FBN3: variants seen among roughly 807,000 people sequenced by gnomAD.
FBN3 encodes fibrillin-3.
FBN3 carries 234 observed loss-of-function variants against 330.1 expected under a neutral mutation model. That is an observed-to-expected ratio of 0.71 (90% CI 0.64 to 0.79). The LOEUF (loss-of-function observed/expected upper bound fraction) is 0.79. FBN3 is among the 30% of genes least tolerant of loss of function. The probability of loss-of-function intolerance (pLI) is 0.00; values close to 1 mark genes in which losing one functional copy is unlikely to be tolerated. For missense variants in FBN3, 3,606 were observed against 3,886.9 expected (o/e 0.93, Z 1.92); for synonymous variants, 1,458 against 1,517.3 (o/e 0.96, Z 0.91).
At chr19:8,125,723 G>A (rs547024799) in intron 22 of FBN3, among the ~76,000 whole-genome samples, 169 bp downstream of exon 22, 1 of 151,540 alleles carries the variant, frequency 6.6e-6, no homozygotes, top group Admixed American at 6.6e-5. Context: ...CCCGGGAGGC[G>A]GAAGTTACAG....
chr19:8,136,536 G>C lies in FBN3; in HGVS notation c.1202-5C>G, dbSNP rs763770874. Reference sequence around the variant, plus strand: ...TCTGGTTCAGGGTAGCAGTGCCTACGGGTGGGGCCGGCAGAGGCATCTGAG... The same window carrying C: ...TCTGGTTCAGGGTAGCAGTGCCTACCGGTGGGGCCGGCAGAGGCATCTGAG... On this transcript the variant is annotated splice_polypyrimidine_tract_variant and splice_region_variant and intron_variant, in intron 10 of 63. Coordinates refer to ENST00000600128, the MANE Select transcript of FBN3 (RefSeq NM_032447.5). 1 of 1,613,872 alleles carries C rather than the reference G, an allele frequency of 6.2e-7. No individual in the cohort carries two copies. Among genetic ancestry groups the C allele is most frequent in the Non-Finnish European group, 8.5e-7 (1 of 1,179,846 alleles).
intron 57 of FBN3, among the ~76,000 whole-genome samples, chr19:8,081,986 C>T (rs538165271): frequency 2.1e-5 from 3 of 139,584 alleles, no homozygotes; most frequent in South Asian, 2.6e-4. Flanking sequence ...TTTCTTGAGA[C>T]GGAGTCTCGT....
intron 32 of FBN3, 112 bp downstream of exon 32, chr19:8,111,536 G>T: frequency 2.5e-6 from 3 of 1,212,206 alleles, no homozygotes; most frequent in Middle Eastern, 4.0e-4. Context: ...CCCACAGAGC[G>T]GCGATTGAGT....
Position 8,118,989 on chromosome 19 carries a change from C to A in FBN3, c.3245G>T (p.Cys1082Phe). ...CGTGTTGGTGCAAGTGCCTCCCCGGCAGAGCAGCGGGTCCCTTGCACACTC... is the reference window on the plus strand; with the variant it reads ...CGTGTTGGTGCAAGTGCCTCCCCGGAAGAGCAGCGGGTCCCTTGCACACTC... ...VDECARDPLL[C>F]RGGTCTNTDG... is the part of the protein sequence containing the mutation. The change falls in exon 26 of 64, where the codon TGC becomes TTC. Residue 1082 changes from cysteine (C) to phenylalanine (F), a missense_variant. By Grantham distance (205) the Cys-to-Phe change is radical (BLOSUM62 -2). Coordinates refer to ENST00000600128, the MANE Select transcript of FBN3 (RefSeq NM_032447.5). 6.2e-7 allele frequency: 1 copy of A among 1,609,852 alleles called. No individual in the cohort carries two copies. The highest frequency in any genetic ancestry group is 8.5e-7 in the Non-Finnish European group (1 of 1,176,602).
At chr19:8,116,587 C>A in intron 29 of FBN3, 87 bp downstream of exon 29, 1 of 1,419,642 alleles carries the variant, frequency 7.0e-7, no homozygotes, top group Non-Finnish European at 9.8e-7. Context: ...ATTTTTCATG[C>A]CTATGTGCCA....
At chr19:8,124,272 CT>C (rs2082926949) in intron 22 of FBN3, among the ~76,000 whole-genome samples, 2 of 152,166 alleles carry the variant, frequency 1.3e-5, no homozygotes, top group Non-Finnish European at 2.9e-5. Context: ...GAGACATAGT[CT>C]TGCTCTGTCA....
rs759346283 is a variant in FBN3 at position 8,095,965 on chromosome 19, C to T, written c.5655G>A (p.Val1885=). 1 of 1,606,666 alleles carries T rather than the reference C, an allele frequency of 6.2e-7. No homozygotes were observed. The highest frequency in any genetic ancestry group is 8.5e-7 in the Non-Finnish European group (1 of 1,173,190). ...GFVVTHNGDC[V]DFDECTTLVG... ...AGCCTGCCACCTGAGCCGACTCACC[C>T]ACACAATCCCCATTGTGTGTCACCA... The change falls in exon 45 of 64, where the codon GTG becomes GTA. Residue 1885 remains valine, a splice_region_variant and synonymous_variant. Coordinates refer to ENST00000600128, the MANE Select transcript of FBN3 (RefSeq NM_032447.5).
intron 37 of FBN3, among the ~76,000 whole-genome samples, chr19:8,107,285 G>A (rs1215402336): frequency 2.8e-5 from 4 of 144,986 alleles, no homozygotes; most frequent in Non-Finnish European, 6.0e-5. Flanking sequence ...AAGGAGGGGG[G>A]ATGGATGAAA....
chr19:8,124,245 GTTGA>G (rs1479678278), intron 22 of FBN3, among the ~76,000 whole-genome samples: 4 of 151,998 alleles, frequency 2.6e-5, no homozygotes, highest in African/African-American at 7.2e-5. Flanking sequence ...TGATTCATTG[GTTGA>G]TTGATTTCTT....
intron 31 of FBN3, 22 bp from the exon 32 acceptor site, chr19:8,111,792 C>A: frequency 6.2e-7 from 1 of 1,608,642 alleles, no homozygotes; most frequent in Non-Finnish European, 8.5e-7. Flanking sequence ...GGAGCCCAGA[C>A]CCCCCACCCC....
Position 8,086,263 on chromosome 19 carries a change from C to T in FBN3, c.6817G>A (p.Gly2273Ser), listed in dbSNP as rs749038669. 1 of 1,611,520 alleles carries T rather than the reference C, an allele frequency of 6.2e-7. No individual in the cohort carries two copies. The highest frequency in any genetic ancestry group is 8.5e-7 in the Non-Finnish European group (1 of 1,178,662). ...TCATCACAGTCGCACCGGAAGCTGCCCGCGGTGTTGACACAGCGGCCGTTG... is the reference window on the plus strand; with the variant it reads ...TCATCACAGTCGCACCGGAAGCTGCTCGCGGTGTTGACACAGCGGCCGTTG... ...CVNGRCVNTA[G>S]SFRCDCDEGF... The change falls in exon 55 of 64, where the codon GGC becomes AGC. Residue 2273 changes from glycine (G) to serine (S), a missense_variant. Transcript: ENST00000600128.
intron 61 of FBN3, among the ~76,000 whole-genome samples, chr19:8,073,967 C>T (rs955013041): frequency 6.6e-6 from 1 of 152,170 alleles, no homozygotes; most frequent in Non-Finnish European, 1.5e-5. Context: ...CATGGCGGAT[C>T]CCAATTGTGA....
Position 8,093,434 on chromosome 19 carries a change from T to C in FBN3, c.5905+1012A>G, listed in dbSNP as rs140214042. On this transcript the variant is annotated intron_variant, in intron 47 of 63. Transcript: ENST00000600128. ...GTCAGGAGATCGAGAGCATCCTGGC[T>C]AACATGGTGAAACCCCGTCTCTACT... Among the ~76,000 whole-genome samples, 545 of 152,114 alleles carry C rather than the reference T, an allele frequency of 3.6e-3. 3 individuals are homozygous for C. Among genetic ancestry groups the C allele is most frequent in the African/African-American group, 0.012 (497 of 41,504 alleles).
chr19:8,101,513 C>T (rs1326988056), intron 40 of FBN3, among the ~76,000 whole-genome samples: 3 of 152,184 alleles, frequency 2.0e-5, no homozygotes, highest in African/African-American at 4.8e-5. Flanking sequence ...CTGCCTAGAA[C>T]GCCTTCCCTC....
At chr19:8,068,647 A>G (rs1005138381) in intron 63 of FBN3, among the ~76,000 whole-genome samples, 1 of 152,046 alleles carries the variant, frequency 6.6e-6, no homozygotes, top group East Asian at 1.9e-4. Context: ...GGCTGCAGTG[A>G]GCTATGATTG....
chr19:8,135,976 C>T lies in FBN3; in HGVS notation c.1576G>A (p.Gly526Ser), dbSNP rs115112939. 1,232 of 1,517,530 alleles carry T rather than the reference C, an allele frequency of 8.1e-4. 7 individuals carry two copies. In the African/African-American group the frequency reaches 0.014, roughly 17 times the overall value. 94.0% of individuals were successfully genotyped at this position (1,517,530 alleles called of 1,614,324 possible). A position where few individuals can be genotyped will look rare whatever the true frequency, so the allele number is the denominator to read the frequency against. The stretch of plus-strand genomic sequence containing the variant: ...CCCAACTCACCCACACAGTTCTTGC[C>T]GTCAGGGCTGAGCTCGAAGCCTGCA... ...CNAGFELSPD[G>S]KNCVDHNECA... Residue 526 changes from glycine to serine, a missense_variant, in exon 13 of 64, where the codon GGC (glycine) becomes AGC (serine). Coordinates refer to ENST00000600128, the MANE Select transcript of FBN3 (RefSeq NM_032447.5).
Position 8,117,055 on chromosome 19 carries a change from C to A in FBN3, c.3586+114G>T, listed in dbSNP as rs1240272683. 8.2e-6 allele frequency: 12 copies of A among 1,468,502 alleles called. No individual in the cohort carries two copies. In the South Asian group the frequency reaches 1.6e-4, roughly 20 times the overall value. 91.0% of individuals were successfully genotyped at this position (1,468,502 alleles called of 1,614,324 possible). On this transcript the variant is annotated intron_variant, in intron 28 of 63. Coordinates refer to ENST00000600128, the MANE Select transcript of FBN3 (RefSeq NM_032447.5). ...ACCACAGGCCAGGCAGGGGGTGCCTCGGGTCTGGCTGGCTTCACTATGCTG... is the reference window on the plus strand; with the variant it reads ...ACCACAGGCCAGGCAGGGGGTGCCTAGGGTCTGGCTGGCTTCACTATGCTG...
intron 50 of FBN3, 24 bp from the exon 51 acceptor site, chr19:8,089,694 C>T: frequency 1.9e-6 from 3 of 1,612,732 alleles, no homozygotes; most frequent in South Asian, 2.2e-5. Context: ...GCGTTGCAGA[C>T]ATGGCTTCTG....
intron 37 of FBN3, among the ~76,000 whole-genome samples, chr19:8,107,057 A>C (rs1663085673): frequency 6.7e-6 from 1 of 149,938 alleles, no homozygotes; most frequent in Admixed American, 6.6e-5. Flanking sequence ...CAAGGATAGC[A>C]GAGGGATGAG....
Sources: gnomAD v4.1 joint callset for allele counts (sites outside exome capture counted in the v4.1 genomes callset) on GRCh38, gnomAD v4.1.1 for gene constraint, MANE v1.5 for transcripts, NCBI Gene and HGNC (gene_info 2026-07-23, HGNC 2026-07-21) for gene names.